ERICH2: variants seen among roughly 807,000 people sequenced by gnomAD.
ERICH2 encodes the protein glutamate-rich protein 2.
ERICH2 carries 17 observed loss-of-function variants against 17.4 expected under a neutral mutation model. That is an observed-to-expected ratio of 0.98 (90% CI 0.67 to 1.47). ERICH2 has a LOEUF of 1.47. Among genes scored for constraint, ERICH2 ranks in the 40% most tolerant of loss-of-function variants. ERICH2 has a pLI of 0.00. For missense variants in ERICH2, 186 were observed against 183.2 expected (o/e 1.01, Z -0.09); for synonymous variants, 51 against 61.1 (o/e 0.83, Z 0.77).
At chr2:170,778,022 G>C in the ERICH2 span, 7 of 212,530 alleles carry the variant, frequency 3.3e-5, no homozygotes, top group Non-Finnish European at 5.5e-5. Context: ...TTCTTCAAGT[G>C]AATATGTACT....
At chr2:170,785,236 G>A (rs1701131152) in intron 2 of ERICH2, among the ~76,000 whole-genome samples, 1 of 151,918 alleles carries the variant, frequency 6.6e-6, no homozygotes, top group Admixed American at 6.6e-5. Flanking sequence ...CCCCCAAAAT[G>A]TATACAATAT....
At chr2:170,790,770 C>G (rs145682203) in intron 2 of ERICH2, among the ~76,000 whole-genome samples, 1 of 150,540 alleles carries the variant, frequency 6.6e-6, no homozygotes, top group Non-Finnish European at 1.5e-5. Flanking sequence ...CACCACTGCA[C>G]TCCAGCCTGG....
At chr2:170,772,499 A>G in the ERICH2 span, among the ~76,000 whole-genome samples, 1 of 152,204 alleles carries the variant, frequency 6.6e-6, no homozygotes, top group South Asian at 2.1e-4. Context: ...GAGGTTAAGG[A>G]ATTTGCTCAA....
exon 5 of ERICH2, chr2:170,798,798 T>C (rs1701491511): frequency 6.4e-7 from 1 of 1,550,578 alleles, no homozygotes; most frequent in Admixed American, 2.0e-5. Context: ...AGCAAGACGG[T>C]GAAAACAGTG....
chr2:170,774,429 G>C, the ERICH2 span, among the ~76,000 whole-genome samples: 1 of 152,054 alleles, frequency 6.6e-6, no homozygotes, highest in East Asian at 1.9e-4. Flanking sequence ...ATCCACCAAA[G>C]GTGGCACCAT....
intron 3 of ERICH2, 98 bp downstream of exon 8, chr2:170,793,018 A>T: frequency 1.6e-6 from 1 of 637,602 alleles, no homozygotes; most frequent in Non-Finnish European, 2.6e-6. Flanking sequence ...AGGTCTAGTG[A>T]ATTCCCTGAT....
chr2:170,777,630 T>A, the ERICH2 span: 1 of 1,230,958 alleles, frequency 8.1e-7, no homozygotes, highest in Admixed American at 4.2e-5. Flanking sequence ...TGAGGGTATT[T>A]TTTTCTCTTT....
intron 2 of ERICH2, among the ~76,000 whole-genome samples, chr2:170,791,703 TAAATAAAATAAAATAA>T (rs1402406983): frequency 7.4e-5 from 10 of 135,726 alleles, no homozygotes; most frequent in Non-Finnish European, 1.3e-4. Context: ...AATAAATAAA[TAAATAAAATAAAATAA>T]AAATAAAATA....
At chr2:170,798,138 G>T (rs1432703586) in intron 4 of ERICH2, 26 bp downstream of exon 9, 16 of 1,413,830 alleles carry the variant, frequency 1.1e-5, no homozygotes, top group Non-Finnish European at 1.5e-5. Context: ...GAAATTCCTT[G>T]TTTCTCATAG....
chr2:170,776,232 T>A, the ERICH2 span, among the ~76,000 whole-genome samples: 1 of 152,328 alleles, frequency 6.6e-6, no homozygotes, highest in Admixed American at 6.5e-5. Flanking sequence ...TGAGAACTTA[T>A]GAGGTAAGAA....
chr2:170,798,785 A>G (rs1399180947), exon 5 of ERICH2: 1 of 1,550,654 alleles, frequency 6.4e-7, no homozygotes, highest in Admixed American at 2.0e-5. Context: ...ACTCAGAATC[A>G]TGAGCAAGAC....
intron 2 of ERICH2, 95 bp downstream of exon 7, chr2:170,784,928 A>G: frequency 9.6e-7 from 1 of 1,045,026 alleles, no homozygotes; most frequent in Non-Finnish European, 1.3e-6. Context: ...GAACTAAAAA[A>G]GTAGATCTCA....
In ERICH2 at chr2:170,783,846, CTG is replaced by C; in HGVS notation, c.10_11del (p.Val4LysfsTer2). ...CAGGGTGGTTGTGAGCTGATGGAGACTGTAAATGAACCAGAAACAGGTAGACA... is the reference window on the plus strand; with the variant it reads ...CAGGGTGGTTGTGAGCTGATGGAGACTAAATGAACCAGAAACAGGTAGACA... On this transcript the variant is annotated frameshift_variant, in exon 1 of 5. Transcript: ENST00000409885. LOFTEE classifies it high-confidence loss of function. 6 of 1,550,516 alleles carry C rather than the reference CTG, an allele frequency of 3.9e-6. No individual in the cohort carries two copies. Among genetic ancestry groups the C allele is most frequent in the Non-Finnish European group, 5.2e-6 (6 of 1,146,976 alleles).
At chr2:170,796,428 G>GTTTTTTTTTTTTTTTTT (rs869301301) in intron 3 of ERICH2, among the ~76,000 whole-genome samples, 2 of 114,554 alleles carry the variant, frequency 1.7e-5, no homozygotes, top group Admixed American at 1.0e-4. Flanking sequence ...CTCTCTCTTT[G>GTTTTTTTTTTTTTTTTT]TTTTTTTTTT....
At chr2:170,782,242 A>G, upstream of ERICH2, 1 of 923,536 alleles carries the variant, frequency 1.1e-6, no homozygotes, top group African/African-American at 1.8e-5. Flanking sequence ...AACATATAGG[A>G]AGGAAGTCCC....
chr2:170,798,808 G>C, exon 5 of ERICH2: 1 of 1,550,688 alleles, frequency 6.4e-7, no homozygotes, highest in Non-Finnish European at 8.7e-7. Context: ...TGAAAACAGT[G>C]ATGAAGACAG....
At chr2:170,792,577 A>G (rs1360360163) in intron 2 of ERICH2, among the ~76,000 whole-genome samples, 1 of 152,238 alleles carries the variant, frequency 6.6e-6, no homozygotes, top group Non-Finnish European at 1.5e-5. Flanking sequence ...TGTCTTCACT[A>G]TCTGTGCCAG....
At chr2:170,777,472 T>C in the ERICH2 span, 2 of 1,181,988 alleles carry the variant, frequency 1.7e-6, no homozygotes, top group East Asian at 3.2e-5. Context: ...CACTATCTTG[T>C]CCTAAATAGT....
chr2:170,790,307 C>T (rs1340630052), intron 2 of ERICH2, among the ~76,000 whole-genome samples: 1 of 151,644 alleles, frequency 6.6e-6, no homozygotes, highest in Non-Finnish European at 1.5e-5. Flanking sequence ...CCGGCCTGGC[C>T]AACATGATGA....
Sources: allele counts gnomAD v4.1 joint callset (sites outside exome capture counted in the v4.1 genomes callset), GRCh38; gene constraint gnomAD v4.1.1; transcripts MANE v1.5; gene names NCBI Gene and HGNC (gene_info 2026-07-23, HGNC 2026-07-21).